The following SOCS2 variants were observed in gnomAD, a reference collection of about 807,000 sequenced individuals.
The protein encoded by SOCS2 is suppressor of cytokine signaling 2, also known as CIS-2.
Under a neutral mutation model 18.6 loss-of-function variants are expected in SOCS2, and 10 were observed. That is an observed-to-expected ratio of 0.54 (90% CI 0.33 to 0.91). SOCS2 has a LOEUF of 0.91. SOCS2 is among the 40% of genes least tolerant of loss of function. The probability of loss-of-function intolerance (pLI) is 0.02; values close to 1 mark genes in which losing one functional copy is unlikely to be tolerated. For missense variants in SOCS2, 231 were observed against 247.2 expected, an observed-to-expected ratio of 0.93 and a Z score of 0.44; for synonymous variants, 104 against 104.0, an observed-to-expected ratio of 1.00 and a Z score of 0.00.
chr12:93,598,068 C>G, the SOCS2 span, among the ~76,000 whole-genome samples: 1 of 152,146 alleles, frequency 6.6e-6, no homozygotes, highest in African/African-American at 2.4e-5. Flanking sequence ...TTGCAGGCAT[C>G]TGTAACTGTG....
At chr12:93,605,289 A>C in the SOCS2 span, among the ~76,000 whole-genome samples, 1 of 152,222 alleles carries the variant, frequency 6.6e-6, no homozygotes, top group South Asian at 2.1e-4. Flanking sequence ...ACTAACGTAT[A>C]TAAGATAAGA....
At chr12:93,571,144 G>A (rs866853608), upstream of SOCS2, 2 of 153,952 alleles carry the variant, frequency 1.3e-5, no homozygotes, top group Middle Eastern at 7.1e-4. Flanking sequence ...GTGGCCCGCG[G>A]ACAGTGCGCG....
rs746223369 is a variant in SOCS2, at chr12:93,575,198, A to C, written c.*19A>C. On this transcript the variant is annotated 3_prime_UTR_variant, in exon 2 of 2. Transcript: ENST00000551556. Reference sequence around the variant, plus strand: ...GGTATAAATGTTTCTCTTTTTTTAAACATGTCTCACATAGAGTATCTCCGA... The same window carrying C: ...GGTATAAATGTTTCTCTTTTTTTAACCATGTCTCACATAGAGTATCTCCGA... 8 of 1,496,956 alleles carry C rather than the reference A, an allele frequency of 5.3e-6. No homozygotes were observed. The Admixed American group carries it at 1.8e-4, about 34-fold the overall frequency. The allele number at this position is 1,496,956 out of a possible 1,614,324, so 92.7% of individuals were successfully genotyped here. A position where few individuals can be genotyped will look rare whatever the true frequency, so the allele number is the denominator to read the frequency against.
At chr12:93,607,781 G>T in the SOCS2 span, among the ~76,000 whole-genome samples, 4 of 152,184 alleles carry the variant, frequency 2.6e-5, no homozygotes, top group Non-Finnish European at 4.4e-5. Context: ...ATCATCGTGT[G>T]ATGGGAACAG....
downstream of SOCS2, among the ~76,000 whole-genome samples, chr12:93,581,641 C>T (rs73218878): frequency 0.011 from 1,707 of 152,116 alleles, 17 homozygotes; most frequent in Middle Eastern, 0.075. Context: ...CTTCTAGCTT[C>T]GTTCATTTAT....
At position 93,574,923 on chromosome 12, in the gene SOCS2, C is replaced by A. The variant is rs1954410675; in HGVS notation, c.341C>A (p.Ser114Tyr). 2 of 1,614,046 alleles carry A rather than the reference C, an allele frequency of 1.2e-6. No homozygotes were observed. Among genetic ancestry groups the A allele is most frequent in the Non-Finnish European group, 1.7e-6 (2 of 1,180,044 alleles). Residue 114 changes from serine (S) to tyrosine (Y), a missense_variant, in exon 2 of 2, where the codon TCC becomes TAC. Ser to Tyr is a moderately radical substitution (Grantham distance 144). Transcript: ENST00000551556. ...TTGGACTCTATCATATGTGTCAAAT[C>A]CAAGCTTAAACAATTTGACAGTGTG... ...FRLDSIICVK[S>Y]KLKQFDSVVH...
In SOCS2 at chr12:93,575,353, C is replaced by A; in HGVS notation, c.*174C>A. The stretch of plus-strand genomic sequence containing the variant: ...AAGAGGTAGCTAGGTGTTTAAAGTT[C>A]CTCCAGATACTTTTACCTGAGTGAT... On this transcript the variant is annotated 3_prime_UTR_variant, in exon 2 of 2. Coordinates refer to ENST00000551556, the MANE Select transcript of SOCS2 (RefSeq NM_001270471.2). The A allele has an allele frequency of 2.3e-6, 1 of 441,544 alleles. No individual in the cohort carries two copies. Among genetic ancestry groups the A allele is most frequent in the Non-Finnish European group, 4.0e-6 (1 of 251,050 alleles). The allele number at this position is 441,544 out of a possible 1,614,324, so 27.4% of individuals were successfully genotyped here.
At chr12:93,600,052 T>C in the SOCS2 span, among the ~76,000 whole-genome samples, 12 of 152,238 alleles carry the variant, frequency 7.9e-5, no homozygotes, top group African/African-American at 2.9e-4. Context: ...GATTTACCAA[T>C]CTTATTCTTT....
Position 93,574,898 on chromosome 12 carries a change from T to C in SOCS2, c.316T>C (p.Leu106=), listed in dbSNP as rs142764815. 348 of 1,614,084 alleles carry C rather than the reference T, an allele frequency of 2.2e-4. No homozygotes were observed. The highest frequency in any genetic ancestry group is 2.8e-4 in the Non-Finnish European group (325 of 1,180,050). The change falls in exon 2 of 2, where the codon TTG becomes CTG. Residue 106 remains leucine, a synonymous_variant. Coordinates refer to ENST00000551556, the MANE Select transcript of SOCS2 (RefSeq NM_001270471.2). ...CGAATACCAAGACGGAAAATTCAGA[T>C]TGGACTCTATCATATGTGTCAAATC... ...RIEYQDGKFR[L]DSIICVKSKL...
At chr12:93,571,841 A>AC (rs768531990), upstream of SOCS2, 180 of 139,558 alleles carry the variant, frequency 1.3e-3, 2 homozygotes, top group South Asian at 6.5e-3. Flanking sequence ...TTTTCCCCCC[A>AC]CCCCCCCGCC....
At chr12:93,581,038 G>A (rs1954532944), downstream of SOCS2, among the ~76,000 whole-genome samples, 1 of 152,106 alleles carries the variant, frequency 6.6e-6, no homozygotes, top group Non-Finnish European at 1.5e-5. Flanking sequence ...CATGTGATAG[G>A]GATGTTAATA....
intron 1 of SOCS2, 53 bp from the exon 2 acceptor site, chr12:93,574,669 T>C: frequency 9.2e-6 from 12 of 1,306,016 alleles, no homozygotes; most frequent in Non-Finnish European, 1.2e-5. Flanking sequence ...CTAAGAATTC[T>C]TATAATAACT....
At chr12:93,617,766 T>C in the SOCS2 span, among the ~76,000 whole-genome samples, 1 of 152,180 alleles carries the variant, frequency 6.6e-6, no homozygotes, top group African/African-American at 2.4e-5. Flanking sequence ...GAAGTATTGT[T>C]ATAGTTCAGA....
chr12:93,579,139 G>A (rs1299229673), downstream of SOCS2, among the ~76,000 whole-genome samples: 3 of 152,192 alleles, frequency 2.0e-5, no homozygotes, highest in African/African-American at 7.2e-5. Context: ...CACAATGCCT[G>A]GGCGACTGCC....
the SOCS2 span, among the ~76,000 whole-genome samples, chr12:93,603,747 C>T: frequency 2.4e-4 from 37 of 152,176 alleles, no homozygotes; most frequent in African/African-American, 7.0e-4. Flanking sequence ...TTAAAGGGCA[C>T]GCAGCAGTTG....
chr12:93,572,628 A>T (rs1422628523), upstream of SOCS2: 6 of 654,298 alleles, frequency 9.2e-6, no homozygotes, highest in East Asian at 1.8e-4. This position sits in a 1 kb window ranked among gnomAD's most constrained non-coding sequence, Gnocchi z 5.0. Context: ...CCCCACCCCC[A>T]CCCCAGCCGC....
chr12:93,579,874 A>G (rs141399995), downstream of SOCS2, among the ~76,000 whole-genome samples: 2 of 152,324 alleles, frequency 1.3e-5, no homozygotes, highest in East Asian at 3.9e-4. Context: ...ACTTACTTCA[A>G]TAAACATGCA....
downstream of SOCS2, among the ~76,000 whole-genome samples, chr12:93,586,742 T>G (rs1384829324): frequency 6.7e-6 from 1 of 148,960 alleles, no homozygotes; most frequent in Non-Finnish European, 1.5e-5. Context: ...CTTTAACTTC[T>G]CTGTCTTTAT....
At chr12:93,622,920 AT>A in the SOCS2 span, among the ~76,000 whole-genome samples, 214 of 151,850 alleles carry the variant, frequency 1.4e-3, no homozygotes, top group African/African-American at 5.0e-3. Context: ...GTTTAGGTGG[AT>A]TTTTTAAAAT....
Sources: allele counts gnomAD v4.1 joint callset (sites outside exome capture counted in the v4.1 genomes callset), GRCh38; gene constraint gnomAD v4.1.1; non-coding constraint Gnocchi (gnomAD v3.1); transcripts MANE v1.5; gene names NCBI Gene and HGNC (gene_info 2026-07-23, HGNC 2026-07-21).